The following FRMPD4 variants were observed in gnomAD, a reference collection of about 807,000 sequenced individuals.
FRMPD4 encodes the protein FERM and PDZ domain-containing protein 4.
Under a neutral mutation model 94.1 loss-of-function variants are expected in FRMPD4, and 22 were observed. The ratio of observed to expected loss-of-function variants is 0.23; its 90% CI spans 0.17 to 0.33. The LOEUF (loss-of-function observed/expected upper bound fraction) is 0.33, where lower values mean the gene tolerates loss of function less well. Among genes scored for constraint, FRMPD4 ranks in the 10% least tolerant of loss-of-function variants. The pLI, the probability that FRMPD4 is intolerant of heterozygous loss-of-function variation, is 1.00. For missense variants in FRMPD4, 1,111 were observed against 1,339.9 expected (o/e 0.83, Z 2.67); for synonymous variants, 631 against 548.6 (o/e 1.15, Z -2.10).
intron 1 of FRMPD4, among the ~76,000 whole-genome samples, chrX:12,190,694 TAAA>T (rs35306041): frequency 1.1e-4 from 10 of 86,992 alleles, no homozygotes; most frequent in African/African-American, 3.2e-4. Context: ...ACATCCACAT[TAAA>T]AAAAAAAAAA....
At chrX:12,473,071 A>G (rs1481617793) in intron 1 of FRMPD4, among the ~76,000 whole-genome samples, 1 of 110,113 alleles carries the variant, frequency 9.1e-6, no homozygotes, top group Admixed American at 9.5e-5. Context: ...GAGAAAGGTC[A>G]GGTTACCCAC....
intron 3 of FRMPD4, among the ~76,000 whole-genome samples, chrX:11,910,137 C>T (rs771008418): frequency 1.6e-4 from 18 of 111,386 alleles, no homozygotes; most frequent in Non-Finnish European, 3.2e-4. Context: ...TTTGATTTGT[C>T]CATTTCAAGA....
chrX:11,964,795 T>A (rs1315469184), intron 3 of FRMPD4, among the ~76,000 whole-genome samples: 1 of 113,111 alleles, frequency 8.8e-6, no homozygotes, highest in African/African-American at 3.2e-5. Context: ...CTTACAGTTC[T>A]GAAGGTCAGA....
intron 3 of FRMPD4, among the ~76,000 whole-genome samples, chrX:12,039,425 G>T (rs2054739434): frequency 9.2e-6 from 1 of 109,273 alleles, no homozygotes. Context: ...CTACATCAAA[G>T]GAATTTTAAT....
intron 2 of FRMPD4, among the ~76,000 whole-genome samples, chrX:12,575,508 A>G (rs1355150835): frequency 2.7e-5 from 3 of 111,366 alleles, no homozygotes; most frequent in Admixed American, 9.5e-5. Flanking sequence ...GACAGCTAGT[A>G]GCCCTTTCCC....
intron 2 of FRMPD4, among the ~76,000 whole-genome samples, chrX:11,874,238 C>T (rs1051810998): frequency 1.1e-4 from 12 of 112,241 alleles, no homozygotes; most frequent in Non-Finnish European, 2.1e-4. Context: ...GCAGCTTTCA[C>T]CTCCAAGGCT....
intron 1 of FRMPD4, among the ~76,000 whole-genome samples, chrX:12,348,043 AGTT>A (rs764770559): frequency 8.9e-6 from 1 of 112,166 alleles, no homozygotes; most frequent in South Asian, 3.7e-4. Context: ...ATTTATGAAC[AGTT>A]GTTTAGTGGG....
At chrX:12,353,030 T>C (rs2055838939) in intron 1 of FRMPD4, among the ~76,000 whole-genome samples, 1 of 111,959 alleles carries the variant, frequency 8.9e-6, no homozygotes. Context: ...CTGACCAGAC[T>C]GAGAAAAGCC....
chrX:12,528,873 G>A (rs2058255849), intron 2 of FRMPD4, among the ~76,000 whole-genome samples: 1 of 112,329 alleles, frequency 8.9e-6, no homozygotes, highest in Non-Finnish European at 1.9e-5. Context: ...AGCCTTCTTT[G>A]TATTGACATT....
chrX:12,012,914 G>A (rs2054588235), intron 3 of FRMPD4, among the ~76,000 whole-genome samples: 1 of 112,131 alleles, frequency 8.9e-6, no homozygotes, highest in Non-Finnish European at 1.9e-5. Flanking sequence ...CACAGAAGTG[G>A]AAAGGATGAT....
chrX:11,857,422 A>C (rs2053659876), intron 1 of FRMPD4, among the ~76,000 whole-genome samples: 1 of 112,122 alleles, frequency 8.9e-6, no homozygotes, highest in African/African-American at 3.2e-5. Context: ...ACCTACAACT[A>C]TCTGATCTTT....
chrX:12,210,466 G>C (rs2056742163), intron 1 of FRMPD4, among the ~76,000 whole-genome samples: 1 of 111,634 alleles, frequency 9.0e-6, no homozygotes, highest in South Asian at 3.8e-4. Context: ...TGGTGGTGTG[G>C]TTCTGCCTTC....
intron 3 of FRMPD4, among the ~76,000 whole-genome samples, chrX:11,917,960 G>T (rs975992915): frequency 3.6e-5 from 4 of 110,894 alleles, no homozygotes; most frequent in African/African-American, 1.3e-4. Context: ...TTAGATATGT[G>T]ACTGCCCTAT....
chrX:12,218,322 G>A (rs1014111952), intron 1 of FRMPD4, among the ~76,000 whole-genome samples: 7 of 111,772 alleles, frequency 6.3e-5, no homozygotes, highest in African/African-American at 2.0e-4. Context: ...CTATAACAAC[G>A]AAATATTAGG....
intron 1 of FRMPD4, among the ~76,000 whole-genome samples, chrX:12,153,172 A>G (rs1299402473): frequency 9.0e-6 from 1 of 110,760 alleles, no homozygotes; most frequent in African/African-American, 3.3e-5. Context: ...TCCTGACCTC[A>G]TGATCCACCC....
At chrX:12,273,971 T>C (rs1246969198) in intron 1 of FRMPD4, among the ~76,000 whole-genome samples, 1 of 112,181 alleles carries the variant, frequency 8.9e-6, no homozygotes, top group Non-Finnish European at 1.9e-5. Flanking sequence ...CAGTATGGAA[T>C]ACTATGATAT....
At chrX:12,515,392 C>CT (rs111694270) in intron 2 of FRMPD4, among the ~76,000 whole-genome samples, 4,230 of 111,656 alleles carry the variant, frequency 0.038, 188 homozygotes, top group African/African-American at 0.13. Context: ...TATGTTGTCT[C>CT]TTTTTTCTCA....
At position 12,416,964 on chromosome X, in the gene FRMPD4, T is replaced by C. The variant is rs374259945; in HGVS notation, c.42-81716T>C. On this transcript the variant is annotated intron_variant, in intron 1 of 16. Coordinates refer to ENST00000675598, the MANE Select transcript of FRMPD4 (RefSeq NM_001368397.1). ...TCTTTCCTTAGTCATCCAGAGACTATTCCTACTTAATTGAAAAAATTCAAT... is the reference window on the plus strand; with the variant it reads ...TCTTTCCTTAGTCATCCAGAGACTACTCCTACTTAATTGAAAAAATTCAAT... Among the ~76,000 whole-genome samples the C allele has an allele frequency of 9.8e-5, 11 of 111,769 alleles. No homozygotes were observed. In the East Asian group the frequency reaches 3.1e-3, roughly 31 times the overall value.
intron 3 of FRMPD4, among the ~76,000 whole-genome samples, chrX:11,902,273 G>A (rs1243566432): frequency 8.9e-6 from 1 of 112,302 alleles, no homozygotes; most frequent in Non-Finnish European, 1.9e-5. Context: ...AGACTTGGTG[G>A]CTTAAACAGC....
Sources: gnomAD v4.1 joint callset for allele counts (sites outside exome capture counted in the v4.1 genomes callset) on GRCh38, gnomAD v4.1.1 for gene constraint, MANE v1.5 for transcripts, NCBI Gene and HGNC (gene_info 2026-07-23, HGNC 2026-07-21) for gene names.